Variants in CEP192 observed in about 807,000 individuals in gnomAD.
CEP192 encodes centrosomal protein of 192 kDa.
CEP192 carries 151 observed loss-of-function variants against 271.8 expected under a neutral mutation model. That is an observed-to-expected ratio of 0.56 (90% CI 0.49 to 0.64). The LOEUF (loss-of-function observed/expected upper bound fraction) is 0.64. Among genes scored for constraint, CEP192 ranks in the 30% least tolerant of loss-of-function variants. CEP192 has a pLI of 0.00. For missense variants in CEP192, 2,910 were observed against 3,020.5 expected (o/e 0.96, Z 0.86); for synonymous variants, 995 against 1,076.5 (o/e 0.92, Z 1.48).
intron 3 of CEP192, among the ~76,000 whole-genome samples, chr18:13,001,844 C>T (rs2033666404): frequency 6.6e-6 from 1 of 152,122 alleles, no homozygotes. Flanking sequence ...GCTGGGATTA[C>T]AGGCAGGTGC....
At chr18:13,104,190 T>G (rs567865686) in intron 39 of CEP192, among the ~76,000 whole-genome samples, 3 of 152,192 alleles carry the variant, frequency 2.0e-5, no homozygotes, top group Non-Finnish European at 4.4e-5. Flanking sequence ...ATGTAAAAAT[T>G]GTATTTCTGA....
At chr18:13,028,504 ATGTT>A (rs1456840592) in intron 9 of CEP192, among the ~76,000 whole-genome samples, 1 of 151,930 alleles carries the variant, frequency 6.6e-6, no homozygotes, top group South Asian at 2.1e-4. Context: ...ATTTATTTTG[ATGTT>A]TGTTTATTTA....
At position 13,056,485 on chromosome 18, in the gene CEP192, G is replaced by A; in HGVS notation, c.3895G>A (p.Val1299Ile). The change falls in exon 19 of 45, where the codon GTT becomes ATT. Residue 1299 changes from valine (V) to isoleucine (I), a missense_variant. By Grantham distance (29) the Val-to-Ile change is conservative. Coordinates refer to ENST00000506447, the MANE Select transcript of CEP192 (RefSeq NM_032142.4). The part of the protein sequence containing the change: ...GFSGGLPYPA[V>I]AGEPVQNSVA... ...CTCAGGAGGCCTTCCCTATCCAGCT[G>A]TTGCAGGAGAGCCTGTGCAGAACTC... 6.2e-7 allele frequency: 1 copy of A among 1,614,228 alleles called. No homozygotes were observed. Among genetic ancestry groups the A allele is most frequent in the Non-Finnish European group, 8.5e-7 (1 of 1,180,022 alleles).
chr18:13,057,450 C>T, intron 19 of CEP192, 135 bp from the exon 20 acceptor site: 1 of 925,896 alleles, frequency 1.1e-6, no homozygotes, highest in Non-Finnish European at 1.5e-6. Context: ...TCAAGGACTC[C>T]TTCATCTGGA....
At chr18:13,009,219 C>T (rs1315580493) in intron 4 of CEP192, among the ~76,000 whole-genome samples, 1 of 151,930 alleles carries the variant, frequency 6.6e-6, no homozygotes, top group Non-Finnish European at 1.5e-5. Context: ...TGCATTGTAC[C>T]TATTAATATC....
chr18:13,089,900 G>GGAA (rs2039062942), intron 33 of CEP192, among the ~76,000 whole-genome samples: 1 of 152,292 alleles, frequency 6.6e-6, no homozygotes, highest in East Asian at 1.9e-4. Flanking sequence ...AACAGGAAGA[G>GGAA]GAAAATGGTC....
At chr18:13,084,339 C>T (rs528855838) in intron 30 of CEP192, among the ~76,000 whole-genome samples, 2 of 152,158 alleles carry the variant, frequency 1.3e-5, no homozygotes, top group South Asian at 2.1e-4. Context: ...GGTGGATGCC[C>T]CTCCCCCCGT....
At position 13,038,401 on chromosome 18, in the gene CEP192, T is replaced by C. The variant is rs1418227135; in HGVS notation, c.1631T>C (p.Val544Ala). 6.4e-7 allele frequency: 1 copy of C among 1,551,640 alleles called. No homozygotes were observed. The highest frequency in any genetic ancestry group is 8.7e-7 in the Non-Finnish European group (1 of 1,146,940). Residue 544 changes from valine to alanine, a missense_variant, in exon 13 of 45, where the codon GTT becomes GCT. Transcript: ENST00000506447. The part of the protein sequence containing the change: ...EENIDAHNTS[V>A]ALGDTSWGAT... ...AACATAGATGCTCATAATACTTCGGTTGCACTGGGCGATACGTCCTGGGGA... is the reference window on the plus strand; with the variant it reads ...AACATAGATGCTCATAATACTTCGGCTGCACTGGGCGATACGTCCTGGGGA...
rs994891977 is a variant in CEP192, at chr18:13,125,018, A to C, written c.*248A>C. 1.1e-5 allele frequency: 3 copies of C among 285,298 alleles called. No individual in the cohort carries two copies. The Admixed American group carries it at 1.4e-4, about 13-fold the overall frequency. The allele number at this position is 285,298 out of a possible 1,614,324, so 17.7% of individuals were successfully genotyped here. A position where few individuals can be genotyped will look rare whatever the true frequency, so the allele number is the denominator to read the frequency against. On this transcript the variant is annotated 3_prime_UTR_variant, in exon 45 of 45. Transcript: ENST00000506447. ...TGCATTGATTATGATATTCTGAATA[A>C]ATATGGAATATATTTTAATGTGGTA...
At chr18:13,054,464 A>G (rs1315282789) in intron 18 of CEP192, among the ~76,000 whole-genome samples, 3 of 152,320 alleles carry the variant, frequency 2.0e-5, no homozygotes, top group East Asian at 1.9e-4. Context: ...GTGTGAGAGC[A>G]TTACACCCCT....
At chr18:12,994,939 G>C (rs1307502668) in intron 1 of CEP192, among the ~76,000 whole-genome samples, 1 of 152,044 alleles carries the variant, frequency 6.6e-6, no homozygotes, top group Non-Finnish European at 1.5e-5. Flanking sequence ...GGATTATGGA[G>C]TATTCTTCTG....
intron 23 of CEP192, 33 bp from the exon 24 acceptor site, chr18:13,068,326 A>G: frequency 6.2e-7 from 1 of 1,605,138 alleles, no homozygotes. Context: ...ATACCAGTTT[A>G]CATTAAGACA....
chr18:13,009,290 A>G (rs1022595659), intron 4 of CEP192, among the ~76,000 whole-genome samples: 2 of 152,276 alleles, frequency 1.3e-5, no homozygotes, highest in Middle Eastern at 3.4e-3. Flanking sequence ...ATTTAAGCTG[A>G]AATTCTCTTT....
At chr18:13,019,843 A>G (rs1228195187) in intron 9 of CEP192, among the ~76,000 whole-genome samples, 1 of 150,572 alleles carries the variant, frequency 6.6e-6, no homozygotes, top group Non-Finnish European at 1.5e-5. Context: ...TCTTTTTGAG[A>G]CAGTCTCACT....
In CEP192 at chr18:13,012,973, A is replaced by C. The variant is rs1345323880; in HGVS notation, c.467A>C (p.Asp156Ala). The C allele has an allele frequency of 1.3e-5, 20 of 1,506,316 alleles. No homozygotes were observed. In the East Asian group the frequency reaches 1.5e-4, roughly 11 times the overall value. 93.3% of individuals were successfully genotyped at this position (1,506,316 alleles called of 1,614,324 possible). A position where few individuals can be genotyped will look rare whatever the true frequency, so the allele number is the denominator to read the frequency against. The change falls in exon 5 of 45, where the codon GAC becomes GCC. Residue 156 changes from aspartate to alanine, a missense_variant and splice_region_variant. Asp to Ala is a moderately radical substitution (Grantham distance 126). Coordinates refer to ENST00000506447, the MANE Select transcript of CEP192 (RefSeq NM_032142.4). Reference protein sequence around the residue: ...NRASPLEQAQDSPIDFHLQSW... With the variant: ...NRASPLEQAQASPIDFHLQSW... ...AGTTTGTTTTTGTTTTCTTACACAG[A>C]CTCACCTATTGATTTTCATTTACAG...
chr18:13,023,458 G>GGT (rs2035109644), intron 9 of CEP192, among the ~76,000 whole-genome samples: 1 of 148,398 alleles, frequency 6.7e-6, no homozygotes, highest in Admixed American at 7.0e-5. Flanking sequence ...ATCATGAATG[G>GGT]GTGTTAGATT....
chr18:13,084,759 G>A (rs909815514), intron 30 of CEP192, among the ~76,000 whole-genome samples: 3 of 152,016 alleles, frequency 2.0e-5, no homozygotes, highest in Admixed American at 6.6e-5. Context: ...ATCTTGAAAC[G>A]GAGTCTCTAA....
chr18:13,110,864 G>A (rs1347226348), intron 40 of CEP192, among the ~76,000 whole-genome samples: 1 of 152,190 alleles, frequency 6.6e-6, no homozygotes, highest in Non-Finnish European at 1.5e-5. Context: ...AGGAACGGAA[G>A]GAAGCATCCA....
chr18:13,065,178 T>G lies in CEP192; in HGVS notation c.4489-2653T>G, dbSNP rs560005183. Among the ~76,000 whole-genome samples, 319 of 152,000 alleles carry G rather than the reference T, an allele frequency of 2.1e-3. 4 individuals carry two copies. Among genetic ancestry groups the G allele is most frequent in the Middle Eastern group, 6.8e-3 (2 of 294 alleles). The stretch of plus-strand genomic sequence containing the variant: ...TTTTTAATCAGTTCTAATAGTTGTT[T>G]TTTTTTTTTAAACATGGTCACTTAC... On this transcript the variant is annotated intron_variant, in intron 21 of 44. Transcript: ENST00000506447.
Sources: gnomAD v4.1 joint callset for allele counts (sites outside exome capture counted in the v4.1 genomes callset) on GRCh38, gnomAD v4.1.1 for gene constraint, MANE v1.5 for transcripts, NCBI Gene and HGNC (gene_info 2026-07-23, HGNC 2026-07-21) for gene names.